UBTD1: variants seen among roughly 807,000 people sequenced by gnomAD.
UBTD1 encodes the protein ubiquitin domain-containing protein 1.
UBTD1 carries 19 observed loss-of-function variants against 21.7 expected under a neutral mutation model. That is an observed-to-expected ratio of 0.87 (90% CI 0.61 to 1.28). UBTD1 has a LOEUF of 1.28. UBTD1 is among the 50% of genes most tolerant of loss of function. The pLI is 0.00. For synonymous variants in UBTD1, 116 were observed against 135.1 expected (o/e 0.86, Z 0.98); for missense variants, 282 against 315.1 (o/e 0.89, Z 0.80).
Position 97,568,018 on chromosome 10 carries a change from C to T in UBTD1, c.175C>T (p.Pro59Ser). Reference protein sequence around the residue: ...SKRDEFWDTAPAFEGRKEIWD... With the variant: ...SKRDEFWDTASAFEGRKEIWD... ...ACGGGATGAGTTCTGGGACACAGCG[C>T]CTGCCTTCGAGGGCCGCAAGGAGAT... The change falls in exon 2 of 3, where the codon CCT (proline) becomes TCT (serine). Residue 59 changes from proline (P) to serine (S), a missense_variant. Pro to Ser is a moderately conservative substitution (Grantham distance 74). Coordinates refer to ENST00000370664, the MANE Select transcript of UBTD1 (RefSeq NM_024954.5). The T allele has an allele frequency of 6.2e-7, 1 of 1,614,088 alleles. No individual in the cohort carries two copies. The highest frequency in any genetic ancestry group is 2.2e-5 in the East Asian group (1 of 44,880).
At chr10:97,537,933 C>G (rs1179262376) in intron 1 of UBTD1, among the ~76,000 whole-genome samples, 1 of 147,800 alleles carries the variant, frequency 6.8e-6, no homozygotes, top group African/African-American at 2.5e-5. Flanking sequence ...TCAAGCGATT[C>G]TTGTGCCTCA....
intron 1 of UBTD1, among the ~76,000 whole-genome samples, chr10:97,555,822 G>A (rs2040661511): frequency 6.6e-6 from 1 of 152,176 alleles, no homozygotes; most frequent in South Asian, 2.1e-4. Context: ...GGCCAGGCGT[G>A]GTTTCGGGCC....
intron 1 of UBTD1, among the ~76,000 whole-genome samples, chr10:97,547,700 G>A (rs2040617752): frequency 6.6e-6 from 1 of 152,068 alleles, no homozygotes; most frequent in South Asian, 2.1e-4. Context: ...GAGTAACTGG[G>A]ACTACAGGCA....
At chr10:97,541,000 T>A (rs1216857676) in intron 1 of UBTD1, among the ~76,000 whole-genome samples, 1 of 152,168 alleles carries the variant, frequency 6.6e-6, no homozygotes, top group Admixed American at 6.5e-5. Context: ...TAGGGGTTGG[T>A]CTTGCTGCCC....
intron 1 of UBTD1, among the ~76,000 whole-genome samples, chr10:97,559,682 T>C (rs534051484): frequency 1.3e-5 from 2 of 152,302 alleles, no homozygotes; most frequent in Admixed American, 1.3e-4. Flanking sequence ...GGTAAGATTT[T>C]ATAGACTCTT....
intron 1 of UBTD1, among the ~76,000 whole-genome samples, chr10:97,537,183 G>A (rs1430876126): frequency 6.6e-6 from 1 of 152,156 alleles, no homozygotes; most frequent in Non-Finnish European, 1.5e-5. Flanking sequence ...CTTAAACACA[G>A]TGGGTACGCA....
rs908424478 is a variant in UBTD1 at position 97,557,583 on chromosome 10, A to G, written c.71-10331A>G. Reference sequence around the variant, plus strand: ...TTTTACTGTGTAACTTTTTTTTCCAATTTAGAGAACCGCATCCTATTCTAT... The same window carrying G: ...TTTTACTGTGTAACTTTTTTTTCCAGTTTAGAGAACCGCATCCTATTCTAT... On this transcript the variant is annotated intron_variant, in intron 1 of 2. Coordinates refer to ENST00000370664, the MANE Select transcript of UBTD1 (RefSeq NM_024954.5). Among the ~76,000 whole-genome samples the G allele has an allele frequency of 5.3e-5, 8 of 152,088 alleles. No homozygotes were observed. In the East Asian group the frequency reaches 1.4e-3, roughly 26 times the overall value.
chr10:97,534,364 A>G (rs1408653260), intron 1 of UBTD1, among the ~76,000 whole-genome samples: 3 of 152,188 alleles, frequency 2.0e-5, no homozygotes, highest in South Asian at 4.1e-4. Flanking sequence ...AATTCGCACA[A>G]AGCGGCTTAA....
In UBTD1 at chr10:97,553,767, GC is replaced by G. The variant is rs564462173; in HGVS notation, c.71-14142del. On this transcript the variant is annotated intron_variant, in intron 1 of 2. Coordinates refer to ENST00000370664, the MANE Select transcript of UBTD1 (RefSeq NM_024954.5). ...GGCTCAGCTTACATTAACCCTGCCT[GC>G]CCCCTCCCCCTCACCAGCCCATTGT... Among the ~76,000 whole-genome samples, 327 of 152,260 alleles carry G rather than the reference GC, an allele frequency of 2.1e-3. 1 individual carries two copies. Among genetic ancestry groups the G allele is most frequent in the Non-Finnish European group, 4.0e-3 (274 of 68,020 alleles).
rs2040724893 is a variant in UBTD1 at position 97,567,796 on chromosome 10, TTAG to T, written c.71-114_71-112del. On this transcript the variant is annotated intron_variant, in intron 1 of 2. Transcript: ENST00000370664. Reference sequence around the variant, plus strand: ...GGAAGGGCTTCAAAGACCTGAATACTTAGTAGCCAGTGCAGCAGGGTTTCAGGG... The same window carrying T: ...GGAAGGGCTTCAAAGACCTGAATACTTAGCCAGTGCAGCAGGGTTTCAGGG... 42 of 950,338 alleles carry T rather than the reference TTAG, an allele frequency of 4.4e-5. No individual in the cohort carries two copies. The South Asian group carries it at 6.7e-4, about 15-fold the overall frequency. The allele number at this position is 950,338 out of a possible 1,614,324, so 58.9% of individuals were successfully genotyped here.
chr10:97,554,041 C>G (rs1235633953), intron 1 of UBTD1, among the ~76,000 whole-genome samples: 2 of 152,118 alleles, frequency 1.3e-5, no homozygotes, highest in Non-Finnish European at 2.9e-5. Context: ...CCTTCAGGCA[C>G]GTGTGTGGCC....
At chr10:97,515,671 C>G (rs568825201) in intron 1 of UBTD1, among the ~76,000 whole-genome samples, 34 of 152,130 alleles carry the variant, frequency 2.2e-4, no homozygotes, top group Non-Finnish European at 4.3e-4. Flanking sequence ...CCTGGCTTTC[C>G]CCTCCTGAGC....
intron 1 of UBTD1, among the ~76,000 whole-genome samples, chr10:97,517,494 C>T (rs2040449563): frequency 6.6e-6 from 1 of 152,158 alleles, no homozygotes; most frequent in Non-Finnish European, 1.5e-5. Flanking sequence ...ACAGTCTCTG[C>T]CCAGTCCCCT....
chr10:97,570,811 G>T lies in UBTD1; in HGVS notation c.*288G>T. 1 of 407,726 alleles carries T rather than the reference G, an allele frequency of 2.5e-6. No homozygotes were observed. Among genetic ancestry groups the T allele is most frequent in the Admixed American group, 3.8e-5 (1 of 26,462 alleles). The allele number at this position is 407,726 out of a possible 1,614,324, so 25.3% of individuals were successfully genotyped here. Reference sequence around the variant, plus strand: ...TCGAGCCACAAGGGCCAACCAGGAGGCCCCTGGAGCCCAGATCTGTCATCT... The same window carrying T: ...TCGAGCCACAAGGGCCAACCAGGAGTCCCCTGGAGCCCAGATCTGTCATCT... On this transcript the variant is annotated 3_prime_UTR_variant, in exon 3 of 3. Transcript: ENST00000370664. The surrounding 1 kb of genome is among the most constrained non-coding windows in gnomAD (Gnocchi z 6.6).
chr10:97,539,378 G>C (rs780524419), intron 1 of UBTD1, among the ~76,000 whole-genome samples: 1 of 152,190 alleles, frequency 6.6e-6, no homozygotes. Flanking sequence ...AGGATCAGTT[G>C]AGCTCAGGAG....
intron 1 of UBTD1, among the ~76,000 whole-genome samples, chr10:97,550,004 A>C (rs2040629223): frequency 6.6e-6 from 1 of 152,090 alleles, no homozygotes. Flanking sequence ...GGGACACTTC[A>C]GACTACCTGT....
intron 1 of UBTD1, among the ~76,000 whole-genome samples, chr10:97,508,154 G>C (rs1483297172): frequency 1.3e-5 from 2 of 152,218 alleles, no homozygotes; most frequent in Non-Finnish European, 2.9e-5. Flanking sequence ...CACAGATGAA[G>C]AAGCTGAGCC....
intron 1 of UBTD1, among the ~76,000 whole-genome samples, chr10:97,530,950 C>T (rs901413465): frequency 5.9e-5 from 9 of 151,864 alleles, no homozygotes; most frequent in East Asian, 1.9e-4. Flanking sequence ...TGCAGTGGCG[C>T]GATCTCGGCT....
At chr10:97,540,944 T>A (rs960792977) in intron 1 of UBTD1, among the ~76,000 whole-genome samples, 2 of 152,192 alleles carry the variant, frequency 1.3e-5, no homozygotes, top group African/African-American at 2.4e-5. Flanking sequence ...TGTCCTGGGC[T>A]GGAGGCAGCG....
Sources: gnomAD v4.1 joint callset for allele counts (sites outside exome capture counted in the v4.1 genomes callset) on GRCh38, gnomAD v4.1.1 for gene constraint, Gnocchi (gnomAD v3.1) non-coding constraint, MANE v1.5 for transcripts, NCBI Gene and HGNC (gene_info 2026-07-23, HGNC 2026-07-21) for gene names.